Variants in GRXCR1 observed in about 807,000 individuals in gnomAD.
GRXCR1 encodes glutaredoxin domain-containing cysteine-rich protein 1.
In GRXCR1, 27 loss-of-function variants were observed where a neutral mutation model predicts 27.3. That is an observed-to-expected ratio of 0.99 (90% CI 0.73 to 1.37). The LOEUF (loss-of-function observed/expected upper bound fraction) is 1.37, where lower values mean the gene tolerates loss of function less well. Ranked by LOEUF, GRXCR1 falls within the 40% of genes most tolerant of loss-of-function variation. The pLI is 0.00. For missense variants in GRXCR1, 379 were observed against 354.4 expected, an observed-to-expected ratio of 1.07 and a Z score of -0.56; for synonymous variants, 122 against 131.1, an observed-to-expected ratio of 0.93 and a Z score of 0.47.
chr4:42,923,067 A>T (rs16855105), intron 1 of GRXCR1, among the ~76,000 whole-genome samples: 4,413 of 152,120 alleles, frequency 0.029, 125 homozygotes, highest in African/African-American at 0.076. Flanking sequence ...CTGCTTTCTC[A>T]CAGATACCTC....
intron 1 of GRXCR1, among the ~76,000 whole-genome samples, chr4:42,937,362 C>T (rs1227432226): frequency 6.6e-6 from 1 of 151,302 alleles, no homozygotes; most frequent in South Asian, 2.1e-4. Flanking sequence ...TGCCCCAGTG[C>T]TATAATTAGC....
rs528867792 is a variant in GRXCR1, at chr4:42,968,780, T to C, written c.627+5646T>C. Among the ~76,000 whole-genome samples the C allele has an allele frequency of 7.4e-4, 113 of 152,244 alleles. 1 individual carries two copies. The highest frequency in any genetic ancestry group is 2.6e-3 in the African/African-American group (109 of 41,568). On this transcript the variant is annotated intron_variant, in intron 2 of 3. Transcript: ENST00000399770. ...GAAGTTCCTTTTCAAAGAGTTTTTTTTTATTTTTTCAGGAATCTCACCCAA... is the reference window on the plus strand; with the variant it reads ...GAAGTTCCTTTTCAAAGAGTTTTTTCTTATTTTTTCAGGAATCTCACCCAA...
At chr4:42,981,860 CT>C in intron 2 of GRXCR1, among the ~76,000 whole-genome samples, 1 of 152,154 alleles carries the variant, frequency 6.6e-6, no homozygotes, top group South Asian at 2.1e-4. Flanking sequence ...GGGATCTTCT[CT>C]TTATCTTTGA....
chr4:42,989,484 A>G (rs1711893607), intron 2 of GRXCR1, among the ~76,000 whole-genome samples: 1 of 152,222 alleles, frequency 6.6e-6, no homozygotes, highest in Admixed American at 6.5e-5. Context: ...AATTTAATTT[A>G]TTTTAATTCA....
At chr4:42,895,122 C>T (rs1002134222) in intron 1 of GRXCR1, among the ~76,000 whole-genome samples, 1 of 151,968 alleles carries the variant, frequency 6.6e-6, no homozygotes, top group Non-Finnish European at 1.5e-5. Context: ...ACTTTCTTCT[C>T]CCTATGTGTT....
At chr4:42,941,995 C>T (rs1204276104) in intron 1 of GRXCR1, among the ~76,000 whole-genome samples, 2 of 152,012 alleles carry the variant, frequency 1.3e-5, no homozygotes, top group East Asian at 3.9e-4. Flanking sequence ...AACACAGCAA[C>T]TTGAGCACAT....
chr4:42,923,144 C>T (rs572935368), intron 1 of GRXCR1, among the ~76,000 whole-genome samples: 129 of 152,224 alleles, frequency 8.5e-4, no homozygotes, highest in Middle Eastern at 3.4e-3. Context: ...TCTTCTTATT[C>T]ACCCCTCCAT....
chr4:43,002,057 C>A (rs147642334), intron 2 of GRXCR1, among the ~76,000 whole-genome samples: 2 of 147,852 alleles, frequency 1.4e-5, no homozygotes, highest in South Asian at 2.1e-4. Context: ...CACCATAGGG[C>A]GGTTTTTCTC....
At chr4:42,977,843 C>G (rs955207587) in intron 2 of GRXCR1, among the ~76,000 whole-genome samples, 3 of 151,922 alleles carry the variant, frequency 2.0e-5, no homozygotes, top group African/African-American at 4.8e-5. Context: ...CCTTTTGTTG[C>G]CTGTGCTTTC....
chr4:42,932,956 G>A (rs1747364484), intron 1 of GRXCR1, among the ~76,000 whole-genome samples: 1 of 151,758 alleles, frequency 6.6e-6, no homozygotes, highest in African/African-American at 2.4e-5. Context: ...AAGGAGGTCA[G>A]TGCAGGGAAT....
intron 2 of GRXCR1, among the ~76,000 whole-genome samples, chr4:43,002,188 A>G (rs1712390992): frequency 6.6e-6 from 1 of 152,282 alleles, no homozygotes; most frequent in Non-Finnish European, 1.5e-5. Flanking sequence ...CTCTTTTACT[A>G]ATCCACCTCA....
At chr4:42,914,475 G>A (rs1746840722) in intron 1 of GRXCR1, among the ~76,000 whole-genome samples, 1 of 152,170 alleles carries the variant, frequency 6.6e-6, no homozygotes, top group Non-Finnish European at 1.5e-5. Flanking sequence ...CCCATTTGGA[G>A]TGGCTGTATT....
chr4:43,008,149 C>CT (rs1712624394), intron 2 of GRXCR1, among the ~76,000 whole-genome samples: 2 of 151,972 alleles, frequency 1.3e-5, no homozygotes, highest in Admixed American at 1.3e-4. Flanking sequence ...TTTAATTTCT[C>CT]TTCATTTTTT....
intron 2 of GRXCR1, among the ~76,000 whole-genome samples, chr4:42,994,242 C>T (rs1314466528): frequency 2.6e-5 from 4 of 152,054 alleles, no homozygotes; most frequent in Non-Finnish European, 4.4e-5. Context: ...GGGACAAGGA[C>T]AAGGGAGGTC....
At chr4:43,024,028 G>A (rs1384233781) in intron 3 of GRXCR1, among the ~76,000 whole-genome samples, 2 of 152,072 alleles carry the variant, frequency 1.3e-5, no homozygotes, top group South Asian at 2.1e-4. Context: ...AGCCAGGGGA[G>A]TGCTGAGATA....
At chr4:42,992,588 A>C (rs552667187) in intron 2 of GRXCR1, among the ~76,000 whole-genome samples, 2 of 152,122 alleles carry the variant, frequency 1.3e-5, no homozygotes, top group African/African-American at 4.8e-5. Flanking sequence ...AGATTTGTTT[A>C]CATTATATTT....
At chr4:42,936,208 C>G (rs955053191) in intron 1 of GRXCR1, among the ~76,000 whole-genome samples, 1 of 151,758 alleles carries the variant, frequency 6.6e-6, no homozygotes. Flanking sequence ...TTTATTGAAA[C>G]TGATGTTCAA....
intron 3 of GRXCR1, among the ~76,000 whole-genome samples, chr4:43,024,618 A>C (rs1376403199): frequency 6.6e-6 from 1 of 152,186 alleles, no homozygotes; most frequent in Non-Finnish European, 1.5e-5. Flanking sequence ...ATTATGAGCT[A>C]CAAATTTCCC....
At chr4:43,013,756 A>G (rs978559950) in intron 2 of GRXCR1, among the ~76,000 whole-genome samples, 21 of 152,324 alleles carry the variant, frequency 1.4e-4, no homozygotes, top group African/African-American at 4.8e-4. Flanking sequence ...TATCTAGATC[A>G]ACTCCCAACA....
Sources: gnomAD v4.1 joint callset for allele counts (sites outside exome capture counted in the v4.1 genomes callset) on GRCh38, gnomAD v4.1.1 for gene constraint, MANE v1.5 for transcripts, NCBI Gene and HGNC (gene_info 2026-07-23, HGNC 2026-07-21) for gene names.